PBX1: variants seen among roughly 807,000 people sequenced by gnomAD.
The protein encoded by PBX1 is PBX homeobox 1, also known as pre-B-cell leukemia transcription factor 1.
PBX1 carries 6 observed loss-of-function variants against 53.4 expected under a neutral mutation model. That is an observed-to-expected ratio of 0.11 (90% CI 0.06 to 0.22). The LOEUF is 0.22. Among genes scored for constraint, PBX1 ranks in the 10% least tolerant of loss-of-function variants. PBX1 has a pLI of 1.00. For missense variants in PBX1, 251 were observed against 551.4 expected, an observed-to-expected ratio of 0.46 and a Z score of 5.46; for synonymous variants, 204 against 212.3, an observed-to-expected ratio of 0.96 and a Z score of 0.34.
rs563363988 is a variant in PBX1, at chr1:164,677,603, C to T, written c.265+114292C>T. Among the ~76,000 whole-genome samples the T allele has an allele frequency of 5.1e-4, 77 of 152,144 alleles. No homozygotes were observed. The Middle Eastern group carries it at 0.017, about 34-fold the overall frequency. On this transcript the variant is annotated intron_variant, in intron 2 of 8. Transcript: ENST00000420696. ...ATGGGTTAAAAGTATAATGATATTT[C>T]AGAGACAAAAGCAGTGGTTTGGGGT...
At chr1:164,807,044 G>A (rs1467645509) in intron 4 of PBX1, among the ~76,000 whole-genome samples, 2 of 152,142 alleles carry the variant, frequency 1.3e-5, no homozygotes, top group Admixed American at 1.3e-4. Context: ...AGATCATGAG[G>A]TCGGGAGTTA....
intron 2 of PBX1, among the ~76,000 whole-genome samples, chr1:164,621,133 C>T (rs1477384939): frequency 1.3e-5 from 2 of 152,170 alleles, no homozygotes; most frequent in East Asian, 1.9e-4. Flanking sequence ...GGACTACAGG[C>T]GCGTGACACC....
intron 2 of PBX1, among the ~76,000 whole-genome samples, chr1:164,687,561 T>TAAA (rs5778407): frequency 0.01 from 1,108 of 110,380 alleles, 15 homozygotes; most frequent in African/African-American, 0.021. Flanking sequence ...AGACCTTGTC[T>TAAA]AAAAAAAAAA....
intron 3 of PBX1, among the ~76,000 whole-genome samples, chr1:164,794,733 T>G (rs1383853965): frequency 6.6e-6 from 1 of 152,196 alleles, no homozygotes; most frequent in Non-Finnish European, 1.5e-5. Flanking sequence ...ACCTCTTGGA[T>G]TCTTATTACC....
intron 2 of PBX1, among the ~76,000 whole-genome samples, chr1:164,759,487 G>A (rs1448153534): frequency 2.6e-5 from 4 of 152,202 alleles, no homozygotes; most frequent in Non-Finnish European, 5.9e-5. Context: ...GGAGCTTCAT[G>A]TGCTAGCTCC....
chr1:164,635,861 T>C (rs1658738552), intron 2 of PBX1, among the ~76,000 whole-genome samples: 1 of 152,224 alleles, frequency 6.6e-6, no homozygotes, highest in Non-Finnish European at 1.5e-5. Flanking sequence ...GATTCCCTTC[T>C]CTCTGGCTTG....
chr1:164,566,354 G>A (rs1023927477), intron 2 of PBX1, among the ~76,000 whole-genome samples: 1 of 152,100 alleles, frequency 6.6e-6, no homozygotes, highest in Non-Finnish European at 1.5e-5. Context: ...TAAATGCTAA[G>A]AAGAAGTGCC....
chr1:164,711,576 T>G (rs990543955), intron 2 of PBX1, among the ~76,000 whole-genome samples: 1 of 152,236 alleles, frequency 6.6e-6, no homozygotes, highest in Non-Finnish European at 1.5e-5. Flanking sequence ...TTTCTCTTTT[T>G]GTCGTGTCTA....
chr1:164,629,376 G>A lies in PBX1; in HGVS notation c.265+66065G>A, dbSNP rs181305350. Among the ~76,000 whole-genome samples the A allele has an allele frequency of 1.6e-3, 251 of 152,234 alleles. 1 individual carries two copies. The highest frequency in any genetic ancestry group is 2.3e-3 in the Non-Finnish European group (156 of 68,018). On this transcript the variant is annotated intron_variant, in intron 2 of 8. Coordinates refer to ENST00000420696, the MANE Select transcript of PBX1 (RefSeq NM_002585.4). Reference sequence around the variant, plus strand: ...AATGTTCTCTTTGGAATTCCCTCACGGGCTCAGTTTTGACAGGTTACCATG... The same window carrying A: ...AATGTTCTCTTTGGAATTCCCTCACAGGCTCAGTTTTGACAGGTTACCATG...
chr1:164,653,855 C>A (rs897146946), intron 2 of PBX1, among the ~76,000 whole-genome samples: 1 of 152,140 alleles, frequency 6.6e-6, no homozygotes, highest in Non-Finnish European at 1.5e-5. Context: ...TTGGAACTTA[C>A]TTGTTTCTTT....
downstream of PBX1, among the ~76,000 whole-genome samples, chr1:164,853,809 G>A (rs190973446): frequency 2.9e-4 from 44 of 151,822 alleles, no homozygotes; most frequent in African/African-American, 1.0e-3. Flanking sequence ...TAAAGTGTAG[G>A]TCTAACCCCT....
intron 2 of PBX1, among the ~76,000 whole-genome samples, chr1:164,724,365 AGGCTTCCCTTGGCCACTCTTTT>A (rs1437605734): frequency 1.3e-5 from 2 of 152,196 alleles, no homozygotes; most frequent in Non-Finnish European, 2.9e-5. Context: ...TTCTCTAGCC[AGGCTTCCCTTGGCCACTCTTTT>A]GGCTTCCCTG....
chr1:164,876,711 C>T (rs1027732692), intron 2 of PBX1, among the ~76,000 whole-genome samples: 1 of 152,030 alleles, frequency 6.6e-6, no homozygotes, highest in Non-Finnish European at 1.5e-5. Context: ...AAGCAGAAGG[C>T]CTGACCCTAG....
chr1:164,574,889 G>A (rs1654113073), intron 2 of PBX1, among the ~76,000 whole-genome samples: 1 of 152,144 alleles, frequency 6.6e-6, no homozygotes, highest in Non-Finnish European at 1.5e-5. Context: ...GGCTGAGGCA[G>A]GAGAATTTCT....
chr1:164,688,596 C>A (rs1287966886), intron 2 of PBX1, among the ~76,000 whole-genome samples: 1 of 152,148 alleles, frequency 6.6e-6, no homozygotes, highest in Non-Finnish European at 1.5e-5. Context: ...TGCCACCATG[C>A]CATACCTAAC....
chr1:164,587,681 A>G (rs996011744), intron 2 of PBX1, among the ~76,000 whole-genome samples: 2 of 152,290 alleles, frequency 1.3e-5, no homozygotes, highest in African/African-American at 4.8e-5. Context: ...AGATTAATGA[A>G]TAGTCATCCT....
At chr1:164,841,088 G>A (rs1019027089) in intron 8 of PBX1, among the ~76,000 whole-genome samples, 5 of 152,174 alleles carry the variant, frequency 3.3e-5, no homozygotes, top group African/African-American at 7.2e-5. Flanking sequence ...TGAAACCGAC[G>A]TGTGAAGGAA....
At chr1:164,757,111 G>A (rs1666569227) in intron 2 of PBX1, among the ~76,000 whole-genome samples, 1 of 151,882 alleles carries the variant, frequency 6.6e-6, no homozygotes, top group Non-Finnish European at 1.5e-5. Context: ...TTTGCAAGAG[G>A]AGAGCAGAGG....
intron 2 of PBX1, among the ~76,000 whole-genome samples, chr1:164,722,382 A>C (rs971324599): frequency 1.3e-5 from 2 of 152,136 alleles, no homozygotes; most frequent in Non-Finnish European, 2.9e-5. Flanking sequence ...AATTCCATCG[A>C]TTTGAAATCC....
Sources: allele counts gnomAD v4.1 joint callset (sites outside exome capture counted in the v4.1 genomes callset), GRCh38; gene constraint gnomAD v4.1.1; transcripts MANE v1.5; gene names NCBI Gene and HGNC (gene_info 2026-07-23, HGNC 2026-07-21).